The following BMP1 variants were observed in gnomAD, a reference collection of about 807,000 sequenced individuals.
BMP1 encodes the protein bone morphogenetic protein 1, also known as mammalian tolloid protein.
Under a neutral mutation model 116.8 loss-of-function variants are expected in BMP1, and 63 were observed. The ratio of observed to expected loss-of-function variants is 0.54; its 90% confidence interval spans 0.44 to 0.67. The LOEUF is 0.67. Ranked by LOEUF, BMP1 falls within the 30% of genes least tolerant of loss-of-function variation. The pLI is 0.00. For missense variants in BMP1, 1,183 were observed against 1,358.9 expected (o/e 0.87, Z 2.04); for synonymous variants, 536 against 533.4 (o/e 1.00, Z -0.07).
At position 22,207,460 on chromosome 8, in the gene BMP1, G is replaced by T; in HGVS notation, c.2519G>T (p.Arg840Leu). ...GCCACAGGCAGCCGCATGTTCCTGC[G>T]CTTCTACTCAGATAACTCGGTCCAG... ...VLATGSRMFL[R>L]FYSDNSVQRK... The change falls in exon 18 of 20, where the codon CGC (arginine) becomes CTC (leucine). Residue 840 changes from arginine to leucine, a missense_variant. Arg to Leu is a moderately radical substitution (Grantham distance 102, BLOSUM62 -2). Coordinates refer to ENST00000306385, the MANE Select transcript of BMP1 (RefSeq NM_006129.5). 6.2e-7 allele frequency: 1 copy of T among 1,614,060 alleles called. No homozygotes were observed. Among genetic ancestry groups the T allele is most frequent in the Non-Finnish European group, 8.5e-7 (1 of 1,180,040 alleles).
chr8:22,207,306 T>G lies in BMP1; in HGVS notation c.2365T>G (p.Phe789Val), dbSNP rs2131902390. The change falls in exon 18 of 20, where the codon TTC becomes GTC. Residue 789 changes from phenylalanine to valine, a missense_variant. Physicochemically the swap from Phe to Val is conservative, Grantham distance 50 (BLOSUM62 -1). Around this residue, in one of 4 missense-constraint regions of BMP1, gnomAD observed 956 missense variants for 1,135.2 expected, o/e 0.84. Coordinates refer to ENST00000306385, the MANE Select transcript of BMP1 (RefSeq NM_006129.5). ...TGCTCCTTCCTCATCCCCCTAGACC[T>G]TCATGGAGATGGACATCGAGTCCCA... ...STPGHRVKLT[F>V]MEMDIESQPE... 2 of 1,612,350 alleles carry G rather than the reference T, an allele frequency of 1.2e-6. No individual in the cohort carries two copies.
chr8:22,181,553 T>TA (rs1828621741), intron 8 of BMP1, among the ~76,000 whole-genome samples: 1 of 127,454 alleles, frequency 7.8e-6, no homozygotes, highest in Non-Finnish European at 1.5e-5. Context: ...TAGCCAGCTC[T>TA]TTTTTTTTTT....
chr8:22,176,596 T>A lies in BMP1; in HGVS notation c.497T>A (p.Phe166Tyr), dbSNP rs779226795. 1 of 1,614,178 alleles carries A rather than the reference T, an allele frequency of 6.2e-7. No individual in the cohort carries two copies. Among genetic ancestry groups the A allele is most frequent in the Non-Finnish European group, 8.5e-7 (1 of 1,180,010 alleles). ...TGGGAGAAGCACACCTGTGTCACCT[T>A]CCTGGAGCGCACTGACGAGGACAGC... ...RHWEKHTCVT[F>Y]LERTDEDSYI... The change falls in exon 4 of 20, where the codon TTC becomes TAC. Residue 166 changes from phenylalanine to tyrosine, a missense_variant. By Grantham distance (22) the Phe-to-Tyr change is conservative. Transcript: ENST00000306385.
intron 19 of BMP1, among the ~76,000 whole-genome samples, chr8:22,210,851 C>T (rs982334522): frequency 1.3e-5 from 2 of 152,220 alleles, no homozygotes; most frequent in African/African-American, 2.4e-5. Flanking sequence ...CTGAGTTGAC[C>T]GGAAGGAACT....
At chr8:22,177,991 G>T in intron 6 of BMP1, 34 bp downstream of exon 6, 1 of 1,526,798 alleles carries the variant, frequency 6.5e-7, no homozygotes, top group Non-Finnish European at 9.0e-7. Flanking sequence ...GCCTCTGCTC[G>T]GGCAGCCCCA....
intron 1 of BMP1, among the ~76,000 whole-genome samples, chr8:22,167,423 T>A (rs1286811804): frequency 6.6e-6 from 1 of 152,066 alleles, no homozygotes; most frequent in African/African-American, 2.4e-5. Flanking sequence ...AGCCTGGTGG[T>A]GGCAGAGAAA....
chr8:22,187,497 ATTTTTTTTTT>A (rs768807192), intron 8 of BMP1, among the ~76,000 whole-genome samples: 16 of 104,418 alleles, frequency 1.5e-4, no homozygotes, highest in Admixed American at 1.3e-3. Context: ...CGCCCGGCTA[ATTTTTTTTTT>A]TTTTTTTTTT....
chr8:22,180,209 G>A lies in BMP1; in HGVS notation c.962-159G>A, dbSNP rs908246927. 2.0e-5 allele frequency among the ~76,000 whole-genome samples: 3 copies of A among 152,184 alleles called. 1 individual carries two copies. Among genetic ancestry groups the A allele is most frequent in the African/African-American group, 4.8e-5 (2 of 41,506 alleles). On this transcript the variant is annotated intron_variant, in intron 7 of 19. Transcript: ENST00000306385. ...ATGGCGTGTGCTATATGTGAGGTAGGGGGGTGGATCTTATAGGGGCAGGAC... is the reference window on the plus strand; with the variant it reads ...ATGGCGTGTGCTATATGTGAGGTAGAGGGGTGGATCTTATAGGGGCAGGAC...
intron 8 of BMP1, among the ~76,000 whole-genome samples, chr8:22,186,072 G>A (rs1277890722): frequency 6.6e-6 from 1 of 152,124 alleles, no homozygotes; most frequent in Non-Finnish European, 1.5e-5. Context: ...CTGACCTCAG[G>A]CGATCCGCCA....
intron 8 of BMP1, 58 bp from the exon 9 acceptor site, chr8:22,191,991 C>T (rs1828945349): frequency 2.7e-6 from 4 of 1,468,526 alleles, no homozygotes; most frequent in African/African-American, 1.4e-5. Flanking sequence ...ATGGGGCTGG[C>T]AGAGGGCTGG....
At chr8:22,168,134 G>T (rs1828169951) in intron 1 of BMP1, among the ~76,000 whole-genome samples, 2 of 152,098 alleles carry the variant, frequency 1.3e-5, no homozygotes, top group Admixed American at 1.3e-4. Flanking sequence ...TTGTAGTGAG[G>T]GCAAAATTAA....
intron 6 of BMP1, among the ~76,000 whole-genome samples, chr8:22,178,659 C>A (rs982439589): frequency 6.6e-6 from 1 of 152,154 alleles, no homozygotes. Flanking sequence ...GCCCCCATGC[C>A]CAGCTCCGAA....
intron 7 of BMP1, among the ~76,000 whole-genome samples, 189 bp from the exon 8 acceptor site, chr8:22,180,179 G>A (rs1828572711): frequency 6.6e-6 from 1 of 152,098 alleles, no homozygotes; most frequent in Non-Finnish European, 1.5e-5. Flanking sequence ...GGGCTGGGAG[G>A]TAGGATGGCG....
At chr8:22,192,855 A>G (rs1240504310) in intron 9 of BMP1, among the ~76,000 whole-genome samples, 5 of 152,194 alleles carry the variant, frequency 3.3e-5, no homozygotes, top group African/African-American at 1.2e-4. Flanking sequence ...ACGTGATCGT[A>G]AGGAGCTCAG....
At chr8:22,171,565 G>C (rs1828277941) in intron 1 of BMP1, 1 of 152,230 alleles carries the variant, frequency 6.6e-6, no homozygotes, top group African/African-American at 2.4e-5. Flanking sequence ...GTGTGACTGT[G>C]TGTGTATTTT....
chr8:22,190,810 G>A (rs1828909944), intron 8 of BMP1, among the ~76,000 whole-genome samples: 1 of 152,178 alleles, frequency 6.6e-6, no homozygotes, highest in Non-Finnish European at 1.5e-5. Context: ...TCTCTAAGAA[G>A]GTACAAGGGA....
At chr8:22,197,901 G>A (rs1233066936) in intron 15 of BMP1, among the ~76,000 whole-genome samples, 2 of 152,154 alleles carry the variant, frequency 1.3e-5, no homozygotes, top group Admixed American at 6.5e-5. Context: ...AAGATGAGTC[G>A]TGGCCGGGCG....
At chr8:22,201,634 AC>A in intron 15 of BMP1, 168 bp from the exon 16 acceptor site, 1 of 1,362,038 alleles carries the variant, frequency 7.3e-7, no homozygotes, top group Non-Finnish European at 9.7e-7. Context: ...GCCCCTTTGG[AC>A]CCCCTTGTCG....
At chr8:22,208,397 C>A (rs531813349) in intron 18 of BMP1, among the ~76,000 whole-genome samples, 9 of 152,342 alleles carry the variant, frequency 5.9e-5, no homozygotes, top group South Asian at 2.1e-4. Context: ...TCCTGCCCCC[C>A]ACCCCATACT....
Sources: gnomAD v4.1 joint callset for allele counts (sites outside exome capture counted in the v4.1 genomes callset) on GRCh38, gnomAD v4.1.1 for gene constraint, gnomAD v4.1.1 regional missense constraint, MANE v1.5 for transcripts, NCBI Gene and HGNC (gene_info 2026-07-23, HGNC 2026-07-21) for gene names.